The following MEAF6 variants were observed in gnomAD, a reference collection of about 807,000 sequenced individuals.
The protein encoded by MEAF6 is MYST/Esa1 associated factor 6.
In MEAF6, 15 loss-of-function variants were observed where a neutral mutation model predicts 28.9. That is an observed-to-expected ratio of 0.52 (90% CI 0.35 to 0.80). MEAF6 has a LOEUF of 0.80. Ranked by LOEUF, MEAF6 falls within the 30% of genes least tolerant of loss-of-function variation. The pLI is 0.01. For missense variants in MEAF6, 178 were observed against 237.5 expected (o/e 0.75, Z 1.65); for synonymous variants, 97 against 88.7 (o/e 1.09, Z -0.53).
At position 37,493,243 on chromosome 1, in the gene MEAF6, T is replaced by C. The variant is rs2148057088; in HGVS notation, c.*856A>G. ...AGAGAGAAAATACAGAAAAAGAAAT[T>C]TCCATAAGGCATGATATGAATAAAT... On this transcript the variant is annotated 3_prime_UTR_variant, in exon 7 of 7. Transcript: ENST00000296214. 1 of 152,496 alleles carries C rather than the reference T, an allele frequency of 6.6e-6. No individual in the cohort carries two copies. Among genetic ancestry groups the C allele is most frequent in the South Asian group, 2.1e-4 (1 of 4,826 alleles). The allele number at this position is 152,496 out of a possible 1,614,324, so 9.4% of individuals were successfully genotyped here. A position where few individuals can be genotyped will look rare whatever the true frequency, so the allele number is the denominator to read the frequency against.
In MEAF6 at chr1:37,501,931, T is replaced by C. The variant is rs1244448179; in HGVS notation, c.406A>G (p.Ser136Gly). 1 of 1,611,452 alleles carries C rather than the reference T, an allele frequency of 6.2e-7. No individual in the cohort carries two copies. The highest frequency in any genetic ancestry group is 8.5e-7 in the Non-Finnish European group (1 of 1,177,966). Residue 136 changes from serine to glycine, a missense_variant, in exon 5 of 7, where the codon AGC becomes GGC. Ser to Gly is a moderately conservative substitution (Grantham distance 56). Around this residue, in one of 2 missense-constraint regions of MEAF6, gnomAD observed 124 missense variants for 200.5 expected, o/e 0.62. Coordinates refer to ENST00000296214, the MANE Select transcript of MEAF6 (RefSeq NM_001270875.3). ...TCCAGATCCTCAGGGTCCTCCTGGC[T>C]GGGCTCATTTTCCTGATTGTGGAAG... The part of the protein sequence containing the change: ...PDFHNQENEP[S>G]QEDPEDLDGS...
At chr1:37,496,576 A>G in intron 5 of MEAF6, 1 of 1,442,220 alleles carries the variant, frequency 6.9e-7, no homozygotes, top group East Asian at 2.7e-5. Context: ...TTTTAAAAAA[A>G]ACTTCCCAGC....
intron 4 of MEAF6, among the ~76,000 whole-genome samples, chr1:37,507,952 C>G (rs1442915878): frequency 6.6e-6 from 1 of 151,908 alleles, no homozygotes; most frequent in Admixed American, 6.6e-5. Context: ...TACTAAAATC[C>G]CTTTTCCTCA....
intron 4 of MEAF6, among the ~76,000 whole-genome samples, chr1:37,504,244 G>A (rs1293780143): frequency 1.3e-5 from 2 of 152,158 alleles, no homozygotes; most frequent in Non-Finnish European, 2.9e-5. Context: ...TAAGTTTCCT[G>A]AGGCCTCCCC....
intron 4 of MEAF6, among the ~76,000 whole-genome samples, chr1:37,507,495 G>A (rs966947884): frequency 3.6e-4 from 54 of 148,054 alleles, no homozygotes; most frequent in Non-Finnish European, 2.7e-4. Flanking sequence ...CATAGTAAAA[G>A]AAAAATCAAA....
intron 4 of MEAF6, 133 bp from the exon 5 acceptor site, chr1:37,502,129 ACAGAGAAGATACATGTTG>A: frequency 1.8e-6 from 1 of 566,876 alleles, no homozygotes; most frequent in Non-Finnish European, 3.0e-6. Flanking sequence ...ATACATGTTG[ACAGAGAAGATACATGTTG>A]ACAGAGAAGA....
chr1:37,501,379 A>T (rs1642296595), intron 5 of MEAF6: 1 of 155,224 alleles, frequency 6.4e-6, no homozygotes, highest in Non-Finnish European at 1.4e-5. Context: ...AGTTCTCTCC[A>T]TCCACAAAGA....
rs1208716099 is a variant in MEAF6, at chr1:37,496,456, TTAAAG to T, written c.534-543_534-539del. 3.7e-4 allele frequency: 209 copies of T among 570,976 alleles called. 1 individual carries two copies. In the East Asian group the frequency reaches 7.5e-3, roughly 20 times the overall value. 35.4% of individuals were successfully genotyped at this position (570,976 alleles called of 1,614,324 possible). ...GCCAGAAAATCAATTTAAATATGAG[TTAAAG>T]TAAAGGTTATCTATTTTAAAAGAAA... On this transcript the variant is annotated intron_variant, in intron 5 of 6. Coordinates refer to ENST00000296214, the MANE Select transcript of MEAF6 (RefSeq NM_001270875.3).
chr1:37,510,381 A>ATTTTTTTTTTTTTTT, intron 2 of MEAF6, among the ~76,000 whole-genome samples: 1 of 95,014 alleles, frequency 1.1e-5, no homozygotes, highest in Non-Finnish European at 1.9e-5. Flanking sequence ...GCACCTAGCC[A>ATTTTTTTTTTTTTTT]TTTTTTTTTT....
Position 37,502,500 on chromosome 1 carries a change from G to C in MEAF6, c.341-504C>G, listed in dbSNP as rs958750481. Among the ~76,000 whole-genome samples the C allele has an allele frequency of 2.0e-5, 3 of 150,714 alleles. No individual in the cohort carries two copies. The East Asian group carries it at 5.8e-4, about 29-fold the overall frequency. ...ACAAAAAAAAAGGGGGGGCCAAAGA[G>C]GGAGAAGACAGCCCATTCCTGAATT... On this transcript the variant is annotated intron_variant, in intron 4 of 6. Transcript: ENST00000296214.
chr1:37,514,667 T>C lies in MEAF6; in HGVS notation c.80A>G (p.Gln27Arg). ...GTCCTAGCCCCTCACCGCCAGCTCC[T>C]GCTTCCGCTTCACGAGCTCCGCCAG... ...RELAELVKRK[Q>R]ELAETLANLE... The change falls in exon 1 of 7, where the codon CAG becomes CGG. Residue 27 changes from glutamine to arginine, a missense_variant. This residue lies in a region of MEAF6 where 124 missense variants were observed against 200.5 expected (regional missense o/e 0.62). Coordinates refer to ENST00000296214, the MANE Select transcript of MEAF6 (RefSeq NM_001270875.3). 6.5e-7 allele frequency: 1 copy of C among 1,540,186 alleles called. No individual in the cohort carries two copies. Among genetic ancestry groups the C allele is most frequent in the Non-Finnish European group, 8.7e-7 (1 of 1,148,010 alleles).
At position 37,493,672 on chromosome 1, in the gene MEAF6, A is replaced by G. The variant is rs1266778677; in HGVS notation, c.*427T>C. On this transcript the variant is annotated 3_prime_UTR_variant, in exon 7 of 7. Transcript: ENST00000296214. ...GAAAAACAAGAAAACATAAAACAAT[A>G]TAAGAAAATGCCAGATATTTACAGC... 5.2e-6 allele frequency: 5 copies of G among 968,658 alleles called. No individual in the cohort carries two copies. The highest frequency in any genetic ancestry group is 6.3e-6 in the Non-Finnish European group (4 of 637,756). 60.0% of individuals were successfully genotyped at this position (968,658 alleles called of 1,614,324 possible). A position where few individuals can be genotyped will look rare whatever the true frequency, so the allele number is the denominator to read the frequency against.
In MEAF6 at chr1:37,496,658, G is replaced by C. The variant is rs201796498; in HGVS notation, c.534-740C>G. The C allele has an allele frequency of 3.2e-6, 5 of 1,548,488 alleles. No individual in the cohort carries two copies. In the African/African-American group the frequency reaches 5.5e-5, roughly 17 times the overall value. On this transcript the variant is annotated intron_variant, in intron 5 of 6. Coordinates refer to ENST00000296214, the MANE Select transcript of MEAF6 (RefSeq NM_001270875.3). ...AGAAAGGTCTCAAAAAGGCATACTG[G>C]TGTCTACACACTAAACACAGCACAA...
intron 4 of MEAF6, among the ~76,000 whole-genome samples, chr1:37,503,962 A>C (rs1642396197): frequency 6.6e-6 from 1 of 152,182 alleles, no homozygotes; most frequent in Admixed American, 6.5e-5. Flanking sequence ...CCATCTCAAA[A>C]AAAAGAATAT....
At position 37,492,361 on chromosome 1, in the gene MEAF6, G is replaced by A. The variant is rs553480793; in HGVS notation, c.*1738C>T. ...AAAAATATTTTAAGGTCTGCTGTGT[G>A]CTTTCCCCAAAAGGAAGGAAACTGT... On this transcript the variant is annotated 3_prime_UTR_variant, in exon 7 of 7. Transcript: ENST00000296214. Among the ~76,000 whole-genome samples the A allele has an allele frequency of 1.6e-4, 25 of 151,948 alleles. No homozygotes were observed. The highest frequency in any genetic ancestry group is 5.5e-4 in the African/African-American group (23 of 41,458).
At chr1:37,504,456 A>G (rs1642411754) in intron 4 of MEAF6, among the ~76,000 whole-genome samples, 1 of 152,094 alleles carries the variant, frequency 6.6e-6, no homozygotes, top group Non-Finnish European at 1.5e-5. Context: ...ACTTTACTCA[A>G]CTGTTGAAGG....
chr1:37,491,657 C>CCGCT lies in MEAF6; in HGVS notation c.*2438_*2441dup, dbSNP rs1039357982. Among the ~76,000 whole-genome samples, 49 of 151,812 alleles carry CCGCT rather than the reference C, an allele frequency of 3.2e-4. No individual in the cohort carries two copies. Among genetic ancestry groups the CCGCT allele is most frequent in the Non-Finnish European group, 6.9e-4 (47 of 67,960 alleles). ...GAGGCTGCACTGAGCTTTGATCAGG[C>CCGCT]CGCTGCACTCCAGCCTGGGTGACAG... is the stretch of plus-strand genomic sequence containing the variant. On this transcript the variant is annotated 3_prime_UTR_variant, in exon 7 of 7. Transcript: ENST00000296214.
chr1:37,509,202 C>G (rs910058738), intron 4 of MEAF6, 76 bp downstream of exon 4: 1 of 1,299,644 alleles, frequency 7.7e-7, no homozygotes, highest in Non-Finnish European at 1.1e-6. Context: ...CTCAGATACA[C>G]AATTGGATGA....
chr1:37,504,948 A>T (rs1015049049), intron 4 of MEAF6, among the ~76,000 whole-genome samples: 4 of 151,600 alleles, frequency 2.6e-5, no homozygotes, highest in Non-Finnish European at 5.9e-5. Context: ...CAGTGGCGCG[A>T]TCTTGGCTCA....
Sources: allele counts gnomAD v4.1 joint callset (sites outside exome capture counted in the v4.1 genomes callset), GRCh38; gene constraint gnomAD v4.1.1; regional missense constraint gnomAD v4.1.1; transcripts MANE v1.5; gene names NCBI Gene and HGNC (gene_info 2026-07-23, HGNC 2026-07-21).